The following GNB1L variants were observed in gnomAD, a reference collection of about 807,000 sequenced individuals.
GNB1L encodes G protein subunit beta 1 like.
GNB1L carries 20 observed loss-of-function variants against 29.1 expected under a neutral mutation model. The observed-to-expected ratio is 0.69, with a 90% CI of 0.48 to 1.00. The LOEUF (loss-of-function observed/expected upper bound fraction) is 1.00, where lower values mean the gene tolerates loss of function less well. GNB1L is among the 50% of genes least tolerant of loss of function. The pLI, the probability that GNB1L is intolerant of heterozygous loss-of-function variation, is 0.00. For missense variants in GNB1L, 421 were observed against 464.9 expected (o/e 0.91, Z 0.87); for synonymous variants, 193 against 206.5 (o/e 0.93, Z 0.56).
intron 2 of GNB1L, 71 bp from the exon 3 acceptor site, chr22:19,821,446 C>T: frequency 1.4e-6 from 2 of 1,459,430 alleles, no homozygotes; most frequent in Non-Finnish European, 1.9e-6. Context: ...TGCTCAGGCA[C>T]AGGGGTGCTT....
intron 2 of GNB1L, among the ~76,000 whole-genome samples, chr22:19,853,976 CCT>C (rs1938173776): frequency 6.6e-6 from 1 of 152,170 alleles, no homozygotes; most frequent in African/African-American, 2.4e-5. Context: ...TTCCCAGTCC[CCT>C]ACCCTGCCCA....
At chr22:19,807,705 G>A (rs973892906) in intron 5 of GNB1L, among the ~76,000 whole-genome samples, 3 of 152,216 alleles carry the variant, frequency 2.0e-5, no homozygotes, top group Non-Finnish European at 4.4e-5. Flanking sequence ...GAGGCTGGGG[G>A]CTCTGAGTAG....
rs934953964 is a variant in GNB1L, at chr22:19,816,018, C to G, written c.255-3571G>C. 6.6e-6 allele frequency among the ~76,000 whole-genome samples: 1 copy of G among 152,238 alleles called. No individual in the cohort carries two copies. The highest frequency in any genetic ancestry group is 1.5e-5 in the Non-Finnish European group (1 of 68,040). ...ACAGGTGAGCCTCTCACCAAGAACTCCACCTTGTCAACACCGCATCCTGAC... is the reference window on the plus strand; with the variant it reads ...ACAGGTGAGCCTCTCACCAAGAACTGCACCTTGTCAACACCGCATCCTGAC... On this transcript the variant is annotated intron_variant, in intron 4 of 7. Coordinates refer to ENST00000329517, the MANE Select transcript of GNB1L (RefSeq NM_053004.3). The surrounding 1 kb of genome is among the most constrained non-coding windows in gnomAD (Gnocchi z 4.4).
intron 2 of GNB1L, among the ~76,000 whole-genome samples, chr22:19,834,737 A>G (rs944429728): frequency 6.6e-6 from 1 of 152,206 alleles, no homozygotes; most frequent in African/African-American, 2.4e-5. Flanking sequence ...AATCAAAACA[A>G]TGTTTTAAAA....
intron 4 of GNB1L, among the ~76,000 whole-genome samples, chr22:19,815,028 C>A (rs1937519311): frequency 6.6e-6 from 1 of 150,626 alleles, no homozygotes. Context: ...AAAGCAAGAC[C>A]CTGCCTCAAA....
intron 7 of GNB1L, chr22:19,793,183 A>G (rs1300483934): frequency 8.7e-6 from 7 of 801,418 alleles, no homozygotes; most frequent in Non-Finnish European, 1.4e-5. Context: ...AGTGTATTCA[A>G]ATAATTACCC....
At chr22:19,851,375 G>A (rs1171488287) in intron 2 of GNB1L, 3 of 1,614,172 alleles carry the variant, frequency 1.9e-6, no homozygotes, top group Admixed American at 1.7e-5. Flanking sequence ...AGGTGTGGGG[G>A]CTGCCTCCTC....
chr22:19,825,102 T>C (rs530246583), intron 2 of GNB1L, among the ~76,000 whole-genome samples: 1 of 152,242 alleles, frequency 6.6e-6, no homozygotes, highest in East Asian at 1.9e-4. Flanking sequence ...CCATTGGGCA[T>C]GTGACAGCAC....
intron 6 of GNB1L, among the ~76,000 whole-genome samples, chr22:19,802,592 G>A (rs573749835): frequency 1.2e-4 from 18 of 152,356 alleles, no homozygotes; most frequent in Admixed American, 2.0e-4. Context: ...CACTGTGAGT[G>A]CTGCCGACCC....
chr22:19,827,437 GGTGGA>G (rs1285121405), intron 2 of GNB1L, among the ~76,000 whole-genome samples: 1 of 152,094 alleles, frequency 6.6e-6, no homozygotes, highest in East Asian at 1.9e-4. Context: ...ATGCCAGAGG[GGTGGA>G]GAAAGACAAG....
chr22:19,848,139 T>C (rs1938009684), intron 2 of GNB1L: 2 of 974,088 alleles, frequency 2.1e-6, no homozygotes, highest in Non-Finnish European at 2.4e-6. Context: ...ACTTCCTATT[T>C]TAAAGTTTTC....
chr22:19,789,745 A>G (rs1205254012), intron 7 of GNB1L, among the ~76,000 whole-genome samples: 2 of 150,532 alleles, frequency 1.3e-5, no homozygotes, highest in Admixed American at 1.3e-4. Flanking sequence ...ACTCGGGAGG[A>G]GGATCACCTG....
At chr22:19,795,916 G>A (rs530543952) in intron 7 of GNB1L, among the ~76,000 whole-genome samples, 24 of 152,214 alleles carry the variant, frequency 1.6e-4, no homozygotes, top group African/African-American at 5.3e-4. Context: ...TAAAGGATGC[G>A]CTTTTTGGCT....
At chr22:19,817,373 C>T (rs1035882603) in intron 4 of GNB1L, among the ~76,000 whole-genome samples, 4 of 152,084 alleles carry the variant, frequency 2.6e-5, no homozygotes, top group South Asian at 2.1e-4. Context: ...CCCAGCTACT[C>T]GGGAGGCTGA....
intron 7 of GNB1L, among the ~76,000 whole-genome samples, chr22:19,789,781 A>G (rs530395098): frequency 6.7e-6 from 1 of 149,508 alleles, no homozygotes; most frequent in Non-Finnish European, 1.5e-5. Context: ...GGCTGCAGTG[A>G]GCTGAGATCA....
intron 2 of GNB1L, chr22:19,850,703 G>A (rs1938073677): frequency 1.6e-6 from 2 of 1,234,288 alleles, no homozygotes; most frequent in Non-Finnish European, 1.0e-6. Flanking sequence ...GAGCAGAGAG[G>A]GTGGGGCTAG....
chr22:19,805,654 C>G (rs555632072), intron 6 of GNB1L, among the ~76,000 whole-genome samples: 4 of 152,214 alleles, frequency 2.6e-5, no homozygotes, highest in African/African-American at 9.6e-5. Context: ...TGGTGGCGGG[C>G]GCCTGTAGTC....
Position 19,816,105 on chromosome 22 carries a change from C to A in GNB1L, c.255-3658G>T, listed in dbSNP as rs887123326. 1.3e-5 allele frequency among the ~76,000 whole-genome samples: 2 copies of A among 152,128 alleles called. No homozygotes were observed. Among genetic ancestry groups the A allele is most frequent in the African/African-American group, 4.8e-5 (2 of 41,436 alleles). ...GCGTCGTGGCCTGTGTGGGGCCTCG[C>A]GGGGCCCCGGCTGCCTCTGCCCCCT... On this transcript the variant is annotated intron_variant, in intron 4 of 7. Coordinates refer to ENST00000329517, the MANE Select transcript of GNB1L (RefSeq NM_053004.3). The surrounding 1 kb of genome is among the most constrained non-coding windows in gnomAD (Gnocchi z 4.4).
chr22:19,822,449 C>T (rs1315019950), intron 2 of GNB1L, among the ~76,000 whole-genome samples: 1 of 152,360 alleles, frequency 6.6e-6, no homozygotes, highest in East Asian at 1.9e-4. Flanking sequence ...TCCACCTCAG[C>T]CCCACAGCTG....
Sources: allele counts gnomAD v4.1 joint callset (sites outside exome capture counted in the v4.1 genomes callset), GRCh38; gene constraint gnomAD v4.1.1; non-coding constraint Gnocchi (gnomAD v3.1); transcripts MANE v1.5; gene names NCBI Gene and HGNC (gene_info 2026-07-23, HGNC 2026-07-21).